SEC24D: variants seen among roughly 807,000 people sequenced by gnomAD.
The protein encoded by SEC24D is SEC24 homolog D, COPII component, also known as protein transport protein Sec24D.
In SEC24D, 69 loss-of-function variants were observed where a neutral mutation model predicts 116.9. The observed-to-expected ratio is 0.59, with a 90% CI of 0.49 to 0.72. The LOEUF is 0.72. SEC24D is among the 30% of genes least tolerant of loss of function. The pLI, the probability that SEC24D is intolerant of heterozygous loss-of-function variation, is 0.00. For synonymous variants in SEC24D, 405 were observed against 442.8 expected (o/e 0.91, Z 1.07); for missense variants, 1,131 against 1,264.1 (o/e 0.89, Z 1.60).
chr4:118,820,953 T>C (rs1471166977), intron 3 of SEC24D, among the ~76,000 whole-genome samples: 1 of 152,068 alleles, frequency 6.6e-6, no homozygotes, highest in African/African-American at 2.4e-5. Flanking sequence ...CTCTGCAGAG[T>C]TGACTCAGTT....
At chr4:118,814,902 C>G (rs887745693) in intron 6 of SEC24D, 126 bp downstream of exon 6, 12 of 1,047,316 alleles carry the variant, frequency 1.1e-5, no homozygotes, top group Non-Finnish European at 1.7e-5. Flanking sequence ...AGCCTTCCCT[C>G]TATGTGATGA....
Position 118,817,243 on chromosome 4 carries a change from C to A in SEC24D, c.397+21G>T, listed in dbSNP as rs777971966. The A allele has an allele frequency of 3.2e-6, 5 of 1,576,464 alleles. No homozygotes were observed. The South Asian group carries it at 5.9e-5, about 19-fold the overall frequency. ...ACCAGGACACAAGGCAGTCAATAAA[C>A]ACTAATAATAAAACTATTACCATAG... On this transcript the variant is annotated intron_variant, in intron 4 of 22. Transcript: ENST00000280551.
At chr4:118,804,769 T>C (rs531423030) in intron 7 of SEC24D, among the ~76,000 whole-genome samples, 2 of 152,128 alleles carry the variant, frequency 1.3e-5, no homozygotes, top group African/African-American at 4.8e-5. Context: ...GAATAATAAA[T>C]GAAGTCATCT....
chr4:118,787,582 G>A (rs1728707714), intron 8 of SEC24D, among the ~76,000 whole-genome samples: 2 of 152,144 alleles, frequency 1.3e-5, no homozygotes, highest in East Asian at 3.9e-4. Context: ...GGAGGCCGAG[G>A]CAGGTGGACT....
rs755341212 is a variant in SEC24D, at chr4:118,739,245, G to A, written c.2281C>T (p.Arg761Trp). The change falls in exon 18 of 23, where the codon CGG becomes TGG. Residue 761 changes from arginine to tryptophan, a missense_variant. Coordinates refer to ENST00000280551, the MANE Select transcript of SEC24D (RefSeq NM_014822.4). Reference protein sequence around the residue: ...YTTISGQRRLRIHNLGLNCSS... With the variant: ...YTTISGQRRLWIHNLGLNCSS... ...CAGTTTAAGCCAAGATTGTGAATCCGAAGTCTTCTTTGACCACTGATTGTC... is the reference window on the plus strand; with the variant it reads ...CAGTTTAAGCCAAGATTGTGAATCCAAAGTCTTCTTTGACCACTGATTGTC... 5.6e-6 allele frequency: 9 copies of A among 1,613,664 alleles called. No homozygotes were observed. Among genetic ancestry groups the A allele is most frequent in the Non-Finnish European group, 6.8e-6 (8 of 1,179,644 alleles).
chr4:118,785,235 A>T (rs1054753800), intron 8 of SEC24D, among the ~76,000 whole-genome samples: 10 of 152,236 alleles, frequency 6.6e-5, no homozygotes, highest in African/African-American at 2.4e-4. Flanking sequence ...AAAAATGTCA[A>T]CAAATTACTT....
At chr4:118,765,785 T>C (rs574423631) in intron 9 of SEC24D, among the ~76,000 whole-genome samples, 43 of 152,272 alleles carry the variant, frequency 2.8e-4, no homozygotes, top group African/African-American at 9.4e-4. Context: ...GCTGTGAAAC[T>C]GACATAAGAA....
chr4:118,808,225 T>C (rs1049128752), intron 6 of SEC24D, among the ~76,000 whole-genome samples: 9 of 152,228 alleles, frequency 5.9e-5, no homozygotes, highest in African/African-American at 2.2e-4. Flanking sequence ...CCACCAAAAG[T>C]GCTGGGATTA....
chr4:118,814,590 A>C (rs1189774168), intron 6 of SEC24D, among the ~76,000 whole-genome samples: 1 of 152,228 alleles, frequency 6.6e-6, no homozygotes, highest in Non-Finnish European at 1.5e-5. Context: ...TACATTAAAA[A>C]AAATTTGTTT....
chr4:118,746,559 T>C (rs923365838), intron 13 of SEC24D, among the ~76,000 whole-genome samples: 3 of 152,020 alleles, frequency 2.0e-5, no homozygotes, highest in Non-Finnish European at 2.9e-5. Context: ...ATTTCCAACA[T>C]GTCTTTACCC....
intron 9 of SEC24D, chr4:118,766,861 A>T (rs1308610338): frequency 6.6e-6 from 1 of 152,224 alleles, no homozygotes; most frequent in East Asian, 1.9e-4. Context: ...AGGGTTCCTG[A>T]AATCCAGGTC....
intron 6 of SEC24D, among the ~76,000 whole-genome samples, chr4:118,807,939 T>C (rs1217370935): frequency 6.6e-6 from 1 of 152,204 alleles, no homozygotes; most frequent in Admixed American, 6.5e-5. Context: ...ACCACAAGGT[T>C]AATCGGATTC....
At chr4:118,832,720 AG>A (rs1730916075) in intron 2 of SEC24D, among the ~76,000 whole-genome samples, 1 of 152,210 alleles carries the variant, frequency 6.6e-6, no homozygotes, top group Admixed American at 6.5e-5. Context: ...AAGACAATAC[AG>A]GAAAAGCTTT....
At chr4:118,766,041 A>G (rs1291140381) in intron 9 of SEC24D, among the ~76,000 whole-genome samples, 1 of 152,228 alleles carries the variant, frequency 6.6e-6, no homozygotes, top group Non-Finnish European at 1.5e-5. Context: ...TGTTACATTT[A>G]GATGAGATGG....
chr4:118,811,198 A>G (rs1729908411), intron 6 of SEC24D, among the ~76,000 whole-genome samples: 1 of 152,218 alleles, frequency 6.6e-6, no homozygotes, highest in South Asian at 2.1e-4. Context: ...CTTGCTTTAA[A>G]AGAAAGCCAG....
intron 8 of SEC24D, among the ~76,000 whole-genome samples, chr4:118,796,621 T>C (rs1429527327): frequency 3.3e-5 from 5 of 152,162 alleles, no homozygotes; most frequent in Admixed American, 2.6e-4. Flanking sequence ...ACATCTCTCT[T>C]TTCTCTCTTC....
At chr4:118,738,406 A>G in intron 18 of SEC24D, 27 bp from the exon 19 acceptor site, 1 of 1,483,380 alleles carries the variant, frequency 6.7e-7, no homozygotes, top group Non-Finnish European at 9.4e-7. Context: ...TGAAAAGGAC[A>G]TGAGTTTTAG....
chr4:118,744,082 A>T lies in SEC24D; in HGVS notation c.1901T>A (p.Leu634His). Residue 634 changes from leucine (L) to histidine (H), a missense_variant, in exon 15 of 23, where the codon CTC (leucine) becomes CAC (histidine). By Grantham distance (99) the Leu-to-His change is moderately conservative. Coordinates refer to ENST00000280551, the MANE Select transcript of SEC24D (RefSeq NM_014822.4). ...CACATACTGACTAGGAAAGAGGAAG[A>T]GTGTCACAGAGCAGCCGTGAGCCAC... ...DCVAHGCSVT[L>H]FLFPSQYVDV... is the part of the protein sequence containing the mutation. 1 of 1,613,614 alleles carries T rather than the reference A, an allele frequency of 6.2e-7. No individual in the cohort carries two copies. Among genetic ancestry groups the T allele is most frequent in the African/African-American group, 1.3e-5 (1 of 75,024 alleles).
In SEC24D at chr4:118,740,786, A is replaced by G; in HGVS notation, c.2115T>C (p.Phe705=). 6.2e-7 allele frequency: 1 copy of G among 1,613,916 alleles called. No individual in the cohort carries two copies. The highest frequency in any genetic ancestry group is 8.5e-7 in the Non-Finnish European group (1 of 1,179,868). ...TSTGFRATDF[F]GGILMNNTTD... ...TGGTGTTGTTCATCAAGATTCCACC[A>G]AAGAAATCAGTGGCTCTGAAACCTA... The change falls in exon 17 of 23, where the codon TTT becomes TTC. Residue 705 remains phenylalanine, a synonymous_variant. Transcript: ENST00000280551.
Sources: gnomAD v4.1 joint callset for allele counts (sites outside exome capture counted in the v4.1 genomes callset) on GRCh38, gnomAD v4.1.1 for gene constraint, MANE v1.5 for transcripts, NCBI Gene and HGNC (gene_info 2026-07-23, HGNC 2026-07-21) for gene names.